KLHL8: variants seen among roughly 807,000 people sequenced by gnomAD.
The protein encoded by KLHL8 is kelch like family member 8, also known as kelch-like protein 8.
Under a neutral mutation model 63.5 loss-of-function variants are expected in KLHL8, and 38 were observed. The ratio of observed to expected loss-of-function variants is 0.60; its 90% CI spans 0.46 to 0.78. The LOEUF is 0.78. KLHL8 is among the 30% of genes least tolerant of loss of function. The pLI, the probability that KLHL8 is intolerant of heterozygous loss-of-function variation, is 0.00. For synonymous variants in KLHL8, 224 were observed against 254.3 expected (o/e 0.88, Z 1.13); for missense variants, 566 against 752.4 (o/e 0.75, Z 2.90).
At chr4:87,169,700 A>C (rs1230854137) in intron 8 of KLHL8, among the ~76,000 whole-genome samples, 1 of 152,126 alleles carries the variant, frequency 6.6e-6, no homozygotes, top group Non-Finnish European at 1.5e-5. Flanking sequence ...CATCTCTACA[A>C]AAAACAGAAA....
chr4:87,217,317 C>A (rs1273360890), intron 1 of KLHL8, among the ~76,000 whole-genome samples: 2 of 150,076 alleles, frequency 1.3e-5, no homozygotes, highest in Non-Finnish European at 3.0e-5. Flanking sequence ...AAACATTTAT[C>A]CTCCCTCATC....
chr4:87,240,482 A>G (rs1733308610), upstream of KLHL8, among the ~76,000 whole-genome samples: 1 of 152,192 alleles, frequency 6.6e-6, no homozygotes, highest in African/African-American at 2.4e-5. Context: ...GGTCCTCATT[A>G]CAGCATGAGT....
intron 1 of KLHL8, among the ~76,000 whole-genome samples, chr4:87,232,833 C>T (rs1733158129): frequency 6.6e-6 from 1 of 151,860 alleles, no homozygotes; most frequent in African/African-American, 2.4e-5. Context: ...CAATTCAGAT[C>T]TCCTTTTTGT....
At chr4:87,185,903 A>G in intron 2 of KLHL8, 104 bp from the exon 3 acceptor site, 1 of 945,260 alleles carries the variant, frequency 1.1e-6, no homozygotes, top group Non-Finnish European at 1.5e-6. Flanking sequence ...AGACAAATTT[A>G]GAGTATCTTT....
chr4:87,225,634 T>A (rs1429624451), intron 1 of KLHL8, among the ~76,000 whole-genome samples: 7 of 152,150 alleles, frequency 4.6e-5, no homozygotes, highest in Non-Finnish European at 8.8e-5. Flanking sequence ...GGGGTGCAGC[T>A]CTGGGTTAGA....
At chr4:87,176,919 T>C (rs746302145) in intron 5 of KLHL8, 51 bp from the exon 6 acceptor site, 3 of 879,470 alleles carry the variant, frequency 3.4e-6, no homozygotes, top group Admixed American at 2.3e-5. Context: ...TAAATTCATA[T>C]CATTAATGTT....
Position 87,185,414 on chromosome 4 carries a change from T to C in KLHL8, c.602A>G (p.Glu201Gly). ...YACDHFTEVV[E>G]CEDFVSVSPQ... ...TGATACACTTACAAAGTCTTCACAC[T>C]CCACTACTTCAGTAAAATGGTCACA... The change falls in exon 3 of 10, where the codon GAG becomes GGG. Residue 201 changes from glutamate to glycine, a missense_variant. Physicochemically the swap from Glu to Gly is moderately conservative, Grantham distance 98. Coordinates refer to ENST00000273963, the MANE Select transcript of KLHL8 (RefSeq NM_020803.5). The C allele has an allele frequency of 6.2e-7, 1 of 1,614,194 alleles. No homozygotes were observed.
At chr4:87,212,830 G>A (rs1732453824) in intron 1 of KLHL8, among the ~76,000 whole-genome samples, 1 of 152,120 alleles carries the variant, frequency 6.6e-6, no homozygotes, top group Non-Finnish European at 1.5e-5. Flanking sequence ...TGTAACCCAG[G>A]AGCAACAGGC....
At chr4:87,209,977 C>T (rs1732334051) in intron 1 of KLHL8, among the ~76,000 whole-genome samples, 1 of 151,192 alleles carries the variant, frequency 6.6e-6, no homozygotes, top group African/African-American at 2.4e-5. Context: ...CCTCAGCCTT[C>T]TGAGTAGCTG....
intron 7 of KLHL8, 58 bp from the exon 8 acceptor site, chr4:87,170,296 T>C (rs962548808): frequency 1.3e-6 from 2 of 1,535,064 alleles, no homozygotes; most frequent in African/African-American, 2.8e-5. Context: ...ATATATTGTT[T>C]TAATGGTAAA....
intron 1 of KLHL8, among the ~76,000 whole-genome samples, chr4:87,215,259 T>A (rs1042329417): frequency 3.9e-5 from 6 of 152,334 alleles, no homozygotes; most frequent in Admixed American, 1.3e-4. Context: ...AGCAATCCTC[T>A]GCATTAAAAT....
At chr4:87,238,862 A>G (rs1239146064) in intron 1 of KLHL8, among the ~76,000 whole-genome samples, 1 of 152,198 alleles carries the variant, frequency 6.6e-6, no homozygotes, top group Non-Finnish European at 1.5e-5. Flanking sequence ...CCATGAGATA[A>G]TGTAATTTTT....
chr4:87,171,369 T>C (rs1381808135), intron 6 of KLHL8, among the ~76,000 whole-genome samples: 3 of 152,168 alleles, frequency 2.0e-5, no homozygotes, highest in Non-Finnish European at 4.4e-5. Flanking sequence ...CCATATTTAG[T>C]TCTATGAAGT....
intron 1 of KLHL8, chr4:87,207,931 T>C: frequency 9.3e-7 from 1 of 1,079,478 alleles, no homozygotes; most frequent in Non-Finnish European, 1.4e-6. Context: ...CCAGGCTGTC[T>C]CCTCCAACTT....
chr4:87,170,806 G>A (rs924920016), intron 6 of KLHL8, among the ~76,000 whole-genome samples, 191 bp from the exon 7 acceptor site: 1 of 152,174 alleles, frequency 6.6e-6, no homozygotes, highest in Non-Finnish European at 1.5e-5. Context: ...GCAACTCTAT[G>A]TGAATACTGC....
At chr4:87,228,573 C>A (rs971048864) in intron 1 of KLHL8, among the ~76,000 whole-genome samples, 4 of 152,188 alleles carry the variant, frequency 2.6e-5, no homozygotes, top group Non-Finnish European at 5.9e-5. Flanking sequence ...CATGGCTACT[C>A]CCAAATTGCC....
intron 2 of KLHL8, among the ~76,000 whole-genome samples, chr4:87,188,549 T>C (rs1355303344): frequency 1.3e-5 from 2 of 152,218 alleles, no homozygotes; most frequent in East Asian, 1.9e-4. Flanking sequence ...TACACCCCTA[T>C]GTACCCTTTT....
intron 1 of KLHL8, among the ~76,000 whole-genome samples, chr4:87,237,803 G>A (rs1383884517): frequency 6.6e-6 from 1 of 151,924 alleles, no homozygotes; most frequent in East Asian, 1.9e-4. Flanking sequence ...CTTCAGTTTG[G>A]GTGACAGAGT....
intron 7 of KLHL8, 65 bp from the exon 8 acceptor site, chr4:87,170,303 T>C: frequency 6.6e-7 from 1 of 1,513,840 alleles, no homozygotes; most frequent in Non-Finnish European, 9.0e-7. Context: ...GTTTTAATGG[T>C]AAATTAGAAT....
Sources: gnomAD v4.1 joint callset for allele counts (sites outside exome capture counted in the v4.1 genomes callset) on GRCh38, gnomAD v4.1.1 for gene constraint, MANE v1.5 for transcripts, NCBI Gene and HGNC (gene_info 2026-07-23, HGNC 2026-07-21) for gene names.